The following CTNNA3 variants were observed in gnomAD, a reference collection of about 807,000 sequenced individuals.
The protein encoded by CTNNA3 is catenin alpha-3.
A neutral mutation model predicts 95.7 loss-of-function variants in CTNNA3; 76 were observed. The observed-to-expected ratio is 0.79, with a 90% confidence interval of 0.66 to 0.96. CTNNA3 has a LOEUF of 0.96. CTNNA3 is among the 40% of genes least tolerant of loss of function. CTNNA3 has a pLI of 0.00. For missense variants in CTNNA3, 1,191 were observed against 1,089.8 expected (o/e 1.09, Z -1.31); for synonymous variants, 431 against 374.4 (o/e 1.15, Z -1.74).
intron 12 of CTNNA3, among the ~76,000 whole-genome samples, chr10:66,343,247 T>A (rs1378509821): frequency 6.6e-6 from 1 of 152,088 alleles, no homozygotes; most frequent in African/African-American, 2.4e-5. Context: ...AGAAATTAAA[T>A]CATTATATCA....
chr10:66,445,257 G>A (rs1021271965), intron 11 of CTNNA3, among the ~76,000 whole-genome samples: 5 of 152,098 alleles, frequency 3.3e-5, no homozygotes, highest in African/African-American at 1.2e-4. Flanking sequence ...ACATTAGACA[G>A]ATTAACGAGA....
At chr10:67,241,827 A>G (rs887921824) in intron 5 of CTNNA3, among the ~76,000 whole-genome samples, 4 of 152,234 alleles carry the variant, frequency 2.6e-5, no homozygotes, top group Non-Finnish European at 4.4e-5. Context: ...ACACATATTA[A>G]TAAAAAGTGG....
intron 7 of CTNNA3, among the ~76,000 whole-genome samples, chr10:67,041,216 A>T (rs1391878026): frequency 6.6e-6 from 1 of 152,062 alleles, no homozygotes; most frequent in Non-Finnish European, 1.5e-5. Context: ...TTGTCAGAAT[A>T]GATTTTCTGA....
intron 2 of CTNNA3, among the ~76,000 whole-genome samples, chr10:67,627,854 T>C (rs1379693022): frequency 6.6e-6 from 1 of 151,808 alleles, no homozygotes; most frequent in African/African-American, 2.4e-5. Context: ...AATTAGTATA[T>C]AATTAAAACT....
chr10:66,668,422 ATGTGTGTGTGTGTGTGTG>A (rs3055580), intron 9 of CTNNA3, among the ~76,000 whole-genome samples: 2 of 146,914 alleles, frequency 1.4e-5, no homozygotes, highest in Non-Finnish European at 3.0e-5. Flanking sequence ...CAACTCTCAT[ATGTGTGTGTGTGTGTGTG>A]TGTGTGTGTG....
At chr10:66,786,836 G>A (rs2132864027) in intron 7 of CTNNA3, among the ~76,000 whole-genome samples, 1 of 152,224 alleles carries the variant, frequency 6.6e-6, no homozygotes, top group South Asian at 2.1e-4. Flanking sequence ...TTCTTAGAGG[G>A]CAGGCCTGAC....
intron 9 of CTNNA3, among the ~76,000 whole-genome samples, chr10:66,732,476 C>T (rs1013444443): frequency 1.2e-4 from 18 of 152,104 alleles, no homozygotes; most frequent in Non-Finnish European, 2.2e-4. Flanking sequence ...GAGGTTTAAT[C>T]GACTCACAGT....
At chr10:66,496,064 T>C (rs974661854) in intron 11 of CTNNA3, among the ~76,000 whole-genome samples, 11 of 152,290 alleles carry the variant, frequency 7.2e-5, no homozygotes, top group East Asian at 1.9e-4. Flanking sequence ...GAGTGATAGA[T>C]AAAAAGATAT....
At chr10:66,703,808 A>G (rs1403239537) in intron 9 of CTNNA3, among the ~76,000 whole-genome samples, 2 of 152,164 alleles carry the variant, frequency 1.3e-5, no homozygotes, top group Non-Finnish European at 2.9e-5. Flanking sequence ...GGGCAACAGT[A>G]CCAAAACAGT....
At chr10:66,385,875 T>C (rs2092886119) in intron 11 of CTNNA3, among the ~76,000 whole-genome samples, 1 of 152,162 alleles carries the variant, frequency 6.6e-6, no homozygotes, top group Non-Finnish European at 1.5e-5. Context: ...GAAAAGGCCT[T>C]TGACAAAATT....
intron 12 of CTNNA3, among the ~76,000 whole-genome samples, chr10:66,309,240 T>C (rs2091972500): frequency 6.6e-6 from 1 of 152,218 alleles, no homozygotes; most frequent in African/African-American, 2.4e-5. Context: ...ACTCTGCTCT[T>C]ATTTGAAATG....
chr10:67,155,626 G>C (rs1861280577), intron 7 of CTNNA3, among the ~76,000 whole-genome samples: 1 of 151,844 alleles, frequency 6.6e-6, no homozygotes, highest in Non-Finnish European at 1.5e-5. Flanking sequence ...TCATTTTACA[G>C]ATGAAAATAC....
At chr10:67,511,643 G>T (rs1361108091) in intron 5 of CTNNA3, among the ~76,000 whole-genome samples, 1 of 152,126 alleles carries the variant, frequency 6.6e-6, no homozygotes, top group Non-Finnish European at 1.5e-5. Context: ...CAGGGATATT[G>T]GTCTAAAATT....
rs543971816 is a variant in CTNNA3, at chr10:67,228,749, T to C, written c.580-8879A>G. ...AAAGATGGATAAATTCCTGGAAAAA[T>C]ACAACCCTCCTAGCTTAAATCGGTA... On this transcript the variant is annotated intron_variant, in intron 5 of 17. Transcript: ENST00000433211. Among the ~76,000 whole-genome samples the C allele has an allele frequency of 4.1e-4, 62 of 151,984 alleles. No homozygotes were observed. In the South Asian group the frequency reaches 0.013, roughly 31 times the overall value.
intron 5 of CTNNA3, among the ~76,000 whole-genome samples, chr10:67,312,038 C>T (rs1297105956): frequency 2.6e-5 from 4 of 151,456 alleles, no homozygotes; most frequent in African/African-American, 9.7e-5. Flanking sequence ...AGTGTTAAGT[C>T]TGCAAGGCTT....
chr10:67,716,192 T>G (rs758890385), intron 1 of CTNNA3, among the ~76,000 whole-genome samples: 1 of 152,160 alleles, frequency 6.6e-6, no homozygotes, highest in Non-Finnish European at 1.5e-5. Flanking sequence ...TCAGAAGTTA[T>G]GCAACAGCAA....
At chr10:67,704,911 G>A (rs1023480787) in intron 1 of CTNNA3, among the ~76,000 whole-genome samples, 2 of 151,212 alleles carry the variant, frequency 1.3e-5, no homozygotes, top group Admixed American at 6.6e-5. Flanking sequence ...AATCTACAAT[G>A]AACTCAAACA....
intron 7 of CTNNA3, among the ~76,000 whole-genome samples, chr10:67,060,726 T>A (rs1402999711): frequency 6.6e-6 from 1 of 152,118 alleles, no homozygotes; most frequent in Non-Finnish European, 1.5e-5. Context: ...TCATTCCAGA[T>A]GATGTAGCTA....
chr10:66,489,577 C>T (rs773887374), intron 11 of CTNNA3, among the ~76,000 whole-genome samples: 1 of 152,098 alleles, frequency 6.6e-6, no homozygotes, highest in East Asian at 1.9e-4. Context: ...TGCACACACA[C>T]ACTTGTGCAT....
Sources: allele counts gnomAD v4.1 joint callset (sites outside exome capture counted in the v4.1 genomes callset), GRCh38; gene constraint gnomAD v4.1.1; transcripts MANE v1.5; gene names NCBI Gene and HGNC (gene_info 2026-07-23, HGNC 2026-07-21).